The following R3HCC1L variants were observed in gnomAD, a reference collection of about 807,000 sequenced individuals.
R3HCC1L encodes R3H domain and coiled-coil containing 1 like.
R3HCC1L carries 51 observed loss-of-function variants against 59.9 expected under a neutral mutation model. The observed-to-expected ratio is 0.85, with a 90% confidence interval of 0.68 to 1.07. The LOEUF (loss-of-function observed/expected upper bound fraction) is 1.07, where lower values mean the gene tolerates loss of function less well. Ranked by LOEUF, R3HCC1L falls within the 50% of genes least tolerant of loss-of-function variation. R3HCC1L has a pLI of 0.00. For synonymous variants in R3HCC1L, 322 were observed against 315.2 expected, an observed-to-expected ratio of 1.02 and a Z score of -0.23; for missense variants, 965 against 933.0, an observed-to-expected ratio of 1.03 and a Z score of -0.45.
chr10:98,136,017 GT>G (rs780749151), intron 1 of R3HCC1L, among the ~76,000 whole-genome samples: 122 of 135,058 alleles, frequency 9.0e-4, no homozygotes, highest in South Asian at 5.3e-3. Flanking sequence ...TCTGCAATCA[GT>G]TTTTTTTTTT....
chr10:98,150,136 T>G (rs1846002905), intron 1 of R3HCC1L, among the ~76,000 whole-genome samples: 2 of 152,264 alleles, frequency 1.3e-5, no homozygotes, highest in South Asian at 4.1e-4. Flanking sequence ...GTTCCAATAT[T>G]TGATTTCTTA....
At chr10:98,180,949 A>C (rs998529653) in intron 4 of R3HCC1L, among the ~76,000 whole-genome samples, 32 of 152,230 alleles carry the variant, frequency 2.1e-4, no homozygotes, top group Middle Eastern at 6.8e-3. Flanking sequence ...GTGTCTCCGC[A>C]TGTGAGTTGG....
chr10:98,234,338 T>C, intron 6 of R3HCC1L, 108 bp from the exon 7 acceptor site: 1 of 965,254 alleles, frequency 1.0e-6, no homozygotes, highest in Non-Finnish European at 1.6e-6. Flanking sequence ...ACCTGTGCAC[T>C]CGTTGAGTGT....
At chr10:98,185,787 A>C (rs1387228944) in intron 4 of R3HCC1L, among the ~76,000 whole-genome samples, 2 of 152,212 alleles carry the variant, frequency 1.3e-5, no homozygotes. Context: ...AGGGAGGGTG[A>C]CATCTGACTA....
At chr10:98,137,189 G>A (rs1275566884) in intron 1 of R3HCC1L, among the ~76,000 whole-genome samples, 1 of 152,018 alleles carries the variant, frequency 6.6e-6, no homozygotes, top group Non-Finnish European at 1.5e-5. Context: ...CCAGCCTGGC[G>A]ACAGAGCAAG....
intron 5 of R3HCC1L, among the ~76,000 whole-genome samples, chr10:98,227,478 C>G (rs977879698): frequency 4.0e-5 from 6 of 151,402 alleles, no homozygotes; most frequent in African/African-American, 1.5e-4. Flanking sequence ...CCAGAGAAAG[C>G]TTGAAGGGAC....
At chr10:98,163,810 A>G (rs545055172) in intron 4 of R3HCC1L, among the ~76,000 whole-genome samples, 1 of 152,368 alleles carries the variant, frequency 6.6e-6, no homozygotes, top group Non-Finnish European at 1.5e-5. Flanking sequence ...GGAAGAATAG[A>G]TGGTCATTTA....
chr10:98,146,176 C>CTTT (rs60637116), intron 1 of R3HCC1L, among the ~76,000 whole-genome samples: 8 of 151,850 alleles, frequency 5.3e-5, no homozygotes, highest in African/African-American at 1.9e-4. Flanking sequence ...GTGATAGCAT[C>CTTT]TTTTTTGGTT....
chr10:98,205,471 TA>T (rs1346011634), intron 4 of R3HCC1L, among the ~76,000 whole-genome samples: 2 of 152,100 alleles, frequency 1.3e-5, no homozygotes, highest in Middle Eastern at 3.4e-3. Flanking sequence ...ATATTGTAAC[TA>T]AAAAAAAGTA....
intron 1 of R3HCC1L, among the ~76,000 whole-genome samples, chr10:98,137,007 G>A (rs761297182): frequency 1.3e-5 from 2 of 151,942 alleles, no homozygotes; most frequent in African/African-American, 2.4e-5. Context: ...TCAGGAGGTC[G>A]AGACCATCCT....
chr10:98,201,082 G>A (rs866338189), intron 4 of R3HCC1L, among the ~76,000 whole-genome samples: 1 of 152,184 alleles, frequency 6.6e-6, no homozygotes, highest in African/African-American at 2.4e-5. Context: ...CTAGGCATTT[G>A]TCCTGACATT....
At chr10:98,164,771 G>T (rs890720899) in intron 4 of R3HCC1L, among the ~76,000 whole-genome samples, 3 of 152,292 alleles carry the variant, frequency 2.0e-5, no homozygotes, top group Middle Eastern at 3.4e-3. Context: ...GTGGTTGTGT[G>T]TAAGTTAGAG....
At chr10:98,211,238 A>G in intron 5 of R3HCC1L, 2 of 971,994 alleles carry the variant, frequency 2.1e-6, no homozygotes, top group Admixed American at 4.3e-5. Context: ...CAGCATGAGT[A>G]TCACCTAGGA....
chr10:98,151,117 TG>T (rs954416292), intron 1 of R3HCC1L, among the ~76,000 whole-genome samples: 34 of 152,338 alleles, frequency 2.2e-4, no homozygotes, highest in African/African-American at 7.9e-4. Context: ...TTTTGAATTC[TG>T]GGATATTGCT....
At chr10:98,240,176 C>T (rs139466825) in intron 9 of R3HCC1L, among the ~76,000 whole-genome samples, 112 of 152,186 alleles carry the variant, frequency 7.4e-4, no homozygotes, top group African/African-American at 2.1e-3. Flanking sequence ...CATGGTGGCG[C>T]GCACCTGTAG....
Position 98,244,360 on chromosome 10 carries a change from C to CTG in R3HCC1L, c.*205_*206dup. On this transcript the variant is annotated 3_prime_UTR_variant, in exon 10 of 10. Transcript: ENST00000298999. Reference sequence around the variant, plus strand: ...AATGCAGTTCTTTGGAATCACCCTACTGTGGTGGGCGTAGTAGGGAGCCAT... The same window carrying CTG: ...AATGCAGTTCTTTGGAATCACCCTACTGTGTGGTGGGCGTAGTAGGGAGCCAT... 2.0e-6 allele frequency: 1 copy of CTG among 493,352 alleles called. No individual in the cohort carries two copies. The highest frequency in any genetic ancestry group is 2.5e-5 in the South Asian group (1 of 40,396). The allele number at this position is 493,352 out of a possible 1,614,324, so 30.6% of individuals were successfully genotyped here.
intron 5 of R3HCC1L, 126 bp from the exon 6 acceptor site, chr10:98,231,386 A>T: frequency 2.4e-6 from 2 of 849,744 alleles, no homozygotes; most frequent in Admixed American, 5.9e-5. Context: ...TAATACAGAG[A>T]CTATGCCAAA....
chr10:98,166,510 C>G (rs560578518), intron 4 of R3HCC1L, among the ~76,000 whole-genome samples: 1 of 152,264 alleles, frequency 6.6e-6, no homozygotes, highest in Non-Finnish European at 1.5e-5. Flanking sequence ...TGTGTCTGAA[C>G]TTCTAAATCT....
At position 98,219,918 on chromosome 10, in the gene R3HCC1L, A is replaced by G. The variant is rs185660979; in HGVS notation, c.1785+10019A>G. Among the ~76,000 whole-genome samples the G allele has an allele frequency of 1.2e-4, 18 of 152,296 alleles. 1 individual carries two copies. In the East Asian group the frequency reaches 2.7e-3, roughly 23 times the overall value. On this transcript the variant is annotated intron_variant, in intron 5 of 9. Transcript: ENST00000298999. ...TTGAGCTTCCTATATTTGGATGTCTATATCTCTTACAAGACTTGGGACATT... is the reference window on the plus strand; with the variant it reads ...TTGAGCTTCCTATATTTGGATGTCTGTATCTCTTACAAGACTTGGGACATT...
Sources: gnomAD v4.1 joint callset for allele counts (sites outside exome capture counted in the v4.1 genomes callset) on GRCh38, gnomAD v4.1.1 for gene constraint, MANE v1.5 for transcripts, NCBI Gene and HGNC (gene_info 2026-07-23, HGNC 2026-07-21) for gene names.